KCNH7: variants seen among roughly 807,000 people sequenced by gnomAD.
The protein encoded by KCNH7 is potassium voltage-gated channel subfamily H member 7, also known as voltage-gated inwardly rectifying potassium channel KCNH7.
KCNH7 carries 49 observed loss-of-function variants against 120.8 expected under a neutral mutation model. That is an observed-to-expected ratio of 0.41 (90% CI 0.32 to 0.51). The LOEUF (loss-of-function observed/expected upper bound fraction) is 0.51. KCNH7 is among the 20% of genes least tolerant of loss of function. The pLI, the probability that KCNH7 is intolerant of heterozygous loss-of-function variation, is 0.38. For synonymous variants in KCNH7, 547 were observed against 516.1 expected (o/e 1.06, Z -0.81); for missense variants, 1,097 against 1,446.6 (o/e 0.76, Z 3.92).
chr2:162,629,519 T>C (rs1683686446), intron 2 of KCNH7, among the ~76,000 whole-genome samples: 2 of 152,132 alleles, frequency 1.3e-5, no homozygotes, highest in Admixed American at 1.3e-4. Flanking sequence ...GCCAGCCTAG[T>C]GTTCTTCAAG....
intron 2 of KCNH7, among the ~76,000 whole-genome samples, chr2:162,567,795 G>A (rs1037690500): frequency 2.6e-5 from 4 of 151,954 alleles, no homozygotes; most frequent in African/African-American, 9.7e-5. Flanking sequence ...GACCTTAAAG[G>A]TGTTAAATAC....
At chr2:162,688,891 C>T (rs1030026224) in intron 2 of KCNH7, among the ~76,000 whole-genome samples, 16 of 151,876 alleles carry the variant, frequency 1.1e-4, no homozygotes, top group African/African-American at 3.9e-4. Context: ...GCAGAATGAT[C>T]TGGAATGAAT....
intron 2 of KCNH7, among the ~76,000 whole-genome samples, chr2:162,702,196 A>C (rs1460171528): frequency 2.0e-5 from 3 of 152,158 alleles, no homozygotes; most frequent in Non-Finnish European, 4.4e-5. Flanking sequence ...AAAAATGTTC[A>C]GTATAGTATT....
chr2:162,590,542 T>C (rs1014326433), intron 2 of KCNH7, among the ~76,000 whole-genome samples: 1 of 152,022 alleles, frequency 6.6e-6, no homozygotes, highest in Non-Finnish European at 1.5e-5. Context: ...CCCAGAATAA[T>C]AGCAAAGGGA....
chr2:162,550,476 G>T (rs1005435637), intron 2 of KCNH7, among the ~76,000 whole-genome samples: 4 of 152,114 alleles, frequency 2.6e-5, no homozygotes, highest in African/African-American at 9.7e-5. Flanking sequence ...TTATGGGGTT[G>T]CAGTGGTTGG....
At chr2:162,661,179 C>T (rs1009307770) in intron 2 of KCNH7, among the ~76,000 whole-genome samples, 2 of 152,184 alleles carry the variant, frequency 1.3e-5, no homozygotes, top group Non-Finnish European at 2.9e-5. Flanking sequence ...GTTGCTACCT[C>T]CTGCCTGCCA....
At chr2:162,417,304 T>G (rs949361302) in intron 9 of KCNH7, among the ~76,000 whole-genome samples, 1 of 152,182 alleles carries the variant, frequency 6.6e-6, no homozygotes, top group Non-Finnish European at 1.5e-5. Flanking sequence ...TAACTGAACT[T>G]TGATGATCTC....
At chr2:162,537,417 C>A (rs1389789822) in intron 2 of KCNH7, among the ~76,000 whole-genome samples, 1 of 151,898 alleles carries the variant, frequency 6.6e-6, no homozygotes, top group Non-Finnish European at 1.5e-5. Flanking sequence ...TTACCATTTT[C>A]TTATAAATTT....
chr2:162,610,569 T>C lies in KCNH7; in HGVS notation c.308-73489A>G, dbSNP rs145599049. The stretch of plus-strand genomic sequence containing the variant: ...ACATATGACACAGAATTTATTAAAA[T>C]ATTTTCCAATTTCCTAGCCCTGGTT... On this transcript the variant is annotated intron_variant, in intron 2 of 15. Coordinates refer to ENST00000332142, the MANE Select transcript of KCNH7 (RefSeq NM_033272.4). 3.2e-3 allele frequency among the ~76,000 whole-genome samples: 494 copies of C among 152,334 alleles called. 2 individuals carry two copies. Among genetic ancestry groups the C allele is most frequent in the Non-Finnish European group, 5.1e-3 (347 of 68,044 alleles).
chr2:162,824,568 T>A (rs1381583289), intron 2 of KCNH7, among the ~76,000 whole-genome samples: 2 of 151,912 alleles, frequency 1.3e-5, no homozygotes, highest in African/African-American at 4.8e-5. Flanking sequence ...AGGTCTTGGT[T>A]AAATAAGGCA....
chr2:162,371,442 A>G lies in KCNH7; in HGVS notation c.*387T>C. On this transcript the variant is annotated 3_prime_UTR_variant, in exon 16 of 16. Transcript: ENST00000332142. ...GATCATCTGAATTTGAGTTGCATCCATGAACAGTTTTATCCCTTGGTTTCT... is the reference window on the plus strand; with the variant it reads ...GATCATCTGAATTTGAGTTGCATCCGTGAACAGTTTTATCCCTTGGTTTCT... 2 of 1,287,954 alleles carry G rather than the reference A, an allele frequency of 1.6e-6. No individual in the cohort carries two copies. The highest frequency in any genetic ancestry group is 2.0e-6 in the Non-Finnish European group (2 of 988,348). 79.8% of individuals were successfully genotyped at this position (1,287,954 alleles called of 1,614,324 possible). A position where few individuals can be genotyped will look rare whatever the true frequency, so the allele number is the denominator to read the frequency against.
At chr2:162,574,591 G>C (rs1310061367) in intron 2 of KCNH7, among the ~76,000 whole-genome samples, 1 of 152,196 alleles carries the variant, frequency 6.6e-6, no homozygotes, top group East Asian at 1.9e-4. Context: ...TTTCATGTAA[G>C]TATTCAATGT....
intron 8 of KCNH7, among the ~76,000 whole-genome samples, chr2:162,425,877 T>C (rs188477078): frequency 6.6e-6 from 1 of 152,246 alleles, no homozygotes; most frequent in African/African-American, 2.4e-5. Context: ...GCTGTCAAGA[T>C]GAAACAAAAT....
chr2:162,372,720 G>A lies in KCNH7; in HGVS notation c.3325-625C>T, dbSNP rs1478826864. ...ACATCTAAAAAAGTTTTATGAGATT[G>A]TTCTACAAATCTTTATTTAAATCAT... On this transcript the variant is annotated intron_variant, in intron 15 of 15. Transcript: ENST00000332142. 3.3e-5 allele frequency among the ~76,000 whole-genome samples: 5 copies of A among 152,116 alleles called. No individual in the cohort carries two copies. In the East Asian group the frequency reaches 9.7e-4, roughly 29 times the overall value.
chr2:162,748,889 C>A (rs1688424953), intron 2 of KCNH7, among the ~76,000 whole-genome samples: 1 of 80,568 alleles, frequency 1.2e-5, no homozygotes, highest in African/African-American at 7.1e-5. Flanking sequence ...CTCCCTCCCT[C>A]CCTTCTTTCC....
At chr2:162,720,519 T>G (rs780341710) in intron 2 of KCNH7, among the ~76,000 whole-genome samples, 2 of 152,080 alleles carry the variant, frequency 1.3e-5, no homozygotes, top group African/African-American at 4.8e-5. Flanking sequence ...TTTATACATA[T>G]GCAGGTTTAC....
At chr2:162,381,601 T>C (rs1157590648) in intron 13 of KCNH7, among the ~76,000 whole-genome samples, 1 of 152,102 alleles carries the variant, frequency 6.6e-6, no homozygotes, top group Non-Finnish European at 1.5e-5. Context: ...AAAGTCAGCA[T>C]TAGAAAAATA....
At chr2:162,632,702 T>C (rs181895319) in intron 2 of KCNH7, among the ~76,000 whole-genome samples, 3 of 151,856 alleles carry the variant, frequency 2.0e-5, no homozygotes, top group Admixed American at 6.6e-5. Context: ...CATATAAATA[T>C]ATGTTGAATA....
At chr2:162,534,166 G>A (rs750340272) in intron 3 of KCNH7, among the ~76,000 whole-genome samples, 26 of 151,168 alleles carry the variant, frequency 1.7e-4, no homozygotes, top group Admixed American at 3.3e-4. Flanking sequence ...ACAGTGCTTA[G>A]ATAAAAATAT....
Sources: gnomAD v4.1 joint callset for allele counts (sites outside exome capture counted in the v4.1 genomes callset) on GRCh38, gnomAD v4.1.1 for gene constraint, MANE v1.5 for transcripts, NCBI Gene and HGNC (gene_info 2026-07-23, HGNC 2026-07-21) for gene names.